RYR2: variants seen among roughly 807,000 people sequenced by gnomAD.
The protein encoded by RYR2 is cardiac muscle ryanodine receptor-calcium release channel.
A neutral mutation model predicts 601.1 loss-of-function variants in RYR2; 227 were observed. That is an observed-to-expected ratio of 0.38 (90% CI 0.34 to 0.42). The LOEUF is 0.42. RYR2 is among the 10% of genes least tolerant of loss of function. The pLI is 1.00. For synonymous variants in RYR2, 2,223 were observed against 2,175.1 expected (o/e 1.02, Z -0.61); for missense variants, 4,646 against 6,156.5 (o/e 0.75, Z 8.21).
At chr1:237,781,519 G>T (rs1422462828) in intron 88 of RYR2, 46 bp from the exon 89 acceptor site, 6 of 908,656 alleles carry the variant, frequency 6.6e-6, no homozygotes, top group Non-Finnish European at 1.1e-5. Context: ...TGTTCCTGCT[G>T]CATAGTTTTC....
chr1:237,143,920 G>A (rs1673672930), intron 1 of RYR2, among the ~76,000 whole-genome samples: 1 of 152,160 alleles, frequency 6.6e-6, no homozygotes, highest in Non-Finnish European at 1.5e-5. Flanking sequence ...CAAGAGGTCA[G>A]GAGTTTGAGA....
At position 237,237,882 on chromosome 1, in the gene RYR2, C is replaced by T. The variant is rs113995225; in HGVS notation, c.49-32615C>T. On this transcript the variant is annotated intron_variant, in intron 1 of 104. Coordinates refer to ENST00000366574, the MANE Select transcript of RYR2 (RefSeq NM_001035.3). Reference sequence around the variant, plus strand: ...ACCTTGGTCTTTTCCTTTCCCCTCTCCTCCTCTCCCCTCCCCTTTCCTTTT... The same window carrying T: ...ACCTTGGTCTTTTCCTTTCCCCTCTTCTCCTCTCCCCTCCCCTTTCCTTTT... 6.3e-3 allele frequency among the ~76,000 whole-genome samples: 861 copies of T among 136,234 alleles called. 7 individuals are homozygous for T. The highest frequency in any genetic ancestry group is 0.021 in the African/African-American group (829 of 39,122). 89.4% of individuals were successfully genotyped at this position (136,234 alleles called of 152,430 possible).
chr1:237,222,909 T>C (rs1436600629), intron 1 of RYR2, among the ~76,000 whole-genome samples: 2 of 152,044 alleles, frequency 1.3e-5, no homozygotes, highest in Non-Finnish European at 2.9e-5. Context: ...CTACTAAAAA[T>C]ACAAAATTAT....
intron 1 of RYR2, among the ~76,000 whole-genome samples, chr1:237,129,023 A>G (rs1671848348): frequency 6.6e-6 from 1 of 152,160 alleles, no homozygotes; most frequent in Non-Finnish European, 1.5e-5. Context: ...AAAAGTTTAT[A>G]TTTTGACTTG....
intron 1 of RYR2, among the ~76,000 whole-genome samples, chr1:237,195,057 T>C (rs1056023703): frequency 6.6e-6 from 1 of 152,208 alleles, no homozygotes; most frequent in Non-Finnish European, 1.5e-5. Context: ...TTCCAAACTC[T>C]TTTAGGTCTT....
intron 10 of RYR2, among the ~76,000 whole-genome samples, chr1:237,413,142 G>A (rs912327001): frequency 1.2e-4 from 19 of 152,038 alleles, no homozygotes; most frequent in African/African-American, 3.4e-4. Context: ...AACCATTGAC[G>A]CTCTGCACAT....
At chr1:237,529,371 C>T (rs1302301423) in intron 24 of RYR2, among the ~76,000 whole-genome samples, 2 of 151,896 alleles carry the variant, frequency 1.3e-5, no homozygotes, top group African/African-American at 4.8e-5. Context: ...CAAAATTTAA[C>T]TGATAATTGT....
At chr1:237,458,911 G>A (rs540511155) in intron 16 of RYR2, among the ~76,000 whole-genome samples, 4 of 152,102 alleles carry the variant, frequency 2.6e-5, no homozygotes, top group Non-Finnish European at 2.9e-5. Flanking sequence ...CATTAGGTGG[G>A]CTATTTGATA....
intron 16 of RYR2, among the ~76,000 whole-genome samples, chr1:237,460,668 G>C (rs966403111): frequency 3.3e-5 from 5 of 152,124 alleles, no homozygotes; most frequent in Admixed American, 6.6e-5. Context: ...TATCAAATTA[G>C]TGTATTAAAA....
chr1:237,516,687 ATTTAGGG>A (rs1666582513), intron 24 of RYR2, among the ~76,000 whole-genome samples: 1 of 152,176 alleles, frequency 6.6e-6, no homozygotes, highest in Admixed American at 6.5e-5. Flanking sequence ...CTGTATTTGC[ATTTAGGG>A]TGTTGAGTCT....
intron 80 of RYR2, 41 bp downstream of exon 80, chr1:237,742,390 G>T: frequency 7.4e-7 from 1 of 1,343,528 alleles, no homozygotes. Context: ...TTTCTATCTT[G>T]AAACATTGTT....
At chr1:237,826,278 A>G (rs994682609) in intron 101 of RYR2, among the ~76,000 whole-genome samples, 1 of 152,200 alleles carries the variant, frequency 6.6e-6, no homozygotes, top group Non-Finnish European at 1.5e-5. Flanking sequence ...ATGCCCATCA[A>G]TGATAGACTA....
At chr1:237,572,198 G>A (rs1672773763) in intron 29 of RYR2, among the ~76,000 whole-genome samples, 1 of 152,070 alleles carries the variant, frequency 6.6e-6, no homozygotes, top group African/African-American at 2.4e-5. Flanking sequence ...TAGGAGGAAG[G>A]CTTTTTATTG....
At chr1:237,361,505 G>A (rs371240161) in intron 4 of RYR2, among the ~76,000 whole-genome samples, 11 of 152,226 alleles carry the variant, frequency 7.2e-5, no homozygotes, top group Admixed American at 2.6e-4. Flanking sequence ...GAAACTTCAC[G>A]CTAGAATGAC....
chr1:237,704,251 A>T (rs1688185257), intron 66 of RYR2, among the ~76,000 whole-genome samples: 1 of 152,124 alleles, frequency 6.6e-6, no homozygotes, highest in African/African-American at 2.4e-5. Flanking sequence ...GTCTAGAATG[A>T]TCATCTCTGA....
intron 45 of RYR2, 32 bp from the exon 46 acceptor site, chr1:237,638,982 AT>A: frequency 6.2e-7 from 1 of 1,606,990 alleles, no homozygotes; most frequent in Non-Finnish European, 8.5e-7. Flanking sequence ...ATATAATCAT[AT>A]TTGTTTACTT....
At chr1:237,074,362 A>T (rs188554481) in intron 1 of RYR2, among the ~76,000 whole-genome samples, 7 of 152,310 alleles carry the variant, frequency 4.6e-5, no homozygotes, top group African/African-American at 1.7e-4. Context: ...TGGATAGGCT[A>T]TTGGGCAGCA....
At chr1:237,584,649 G>GTTTTTTTTTTTTTTTT (rs61131096) in intron 29 of RYR2, among the ~76,000 whole-genome samples, 1 of 72,470 alleles carries the variant, frequency 1.4e-5, no homozygotes, top group Non-Finnish European at 2.5e-5. Context: ...CTCACCACCT[G>GTTTTTTTTTTTTTTTT]TTTTTTTTTT....
intron 27 of RYR2, among the ~76,000 whole-genome samples, chr1:237,560,314 C>T (rs1234421938): frequency 2.0e-5 from 3 of 152,224 alleles, no homozygotes; most frequent in African/African-American, 7.2e-5. Context: ...AACAAATTGC[C>T]TCAGATGATT....
Sources: allele counts gnomAD v4.1 joint callset (sites outside exome capture counted in the v4.1 genomes callset), GRCh38; gene constraint gnomAD v4.1.1; transcripts MANE v1.5; gene names NCBI Gene and HGNC (gene_info 2026-07-23, HGNC 2026-07-21).